Variants in TBX5 observed in about 807,000 individuals in gnomAD.
TBX5 encodes the protein T-box transcription factor TBX5.
TBX5 carries 8 observed loss-of-function variants against 51.1 expected under a neutral mutation model. The ratio of observed to expected loss-of-function variants is 0.16; its 90% CI spans 0.09 to 0.28. The LOEUF is 0.28. Among genes scored for constraint, TBX5 ranks in the 10% least tolerant of loss-of-function variants. The pLI is 1.00. For synonymous variants in TBX5, 302 were observed against 266.4 expected (o/e 1.13, Z -1.30); for missense variants, 589 against 671.7 (o/e 0.88, Z 1.36).
chr12:114,394,943 G>T, intron 5 of TBX5, 50 bp from the exon 6 acceptor site: 1 of 1,590,576 alleles, frequency 6.3e-7, no homozygotes. Context: ...AACTCCCTTT[G>T]TCTCCAGATA....
intron 7 of TBX5, among the ~76,000 whole-genome samples, chr12:114,382,317 C>G (rs1341388347): frequency 6.6e-6 from 1 of 151,810 alleles, no homozygotes; most frequent in Non-Finnish European, 1.5e-5. Flanking sequence ...CTGTCTCAAT[C>G]AATCAATCAA....
intron 1 of TBX5, among the ~76,000 whole-genome samples, chr12:114,405,100 C>T (rs1329072041): frequency 6.6e-6 from 1 of 152,222 alleles, no homozygotes; most frequent in Non-Finnish European, 1.5e-5. Context: ...CCCCCAAAAC[C>T]TCAGCAGCTG....
rs551204308 is a variant in TBX5 at position 114,394,713 on chromosome 12, G to A, written c.663+28C>T. ...GCAAAAGAAAGAGCAGACGGCCCCA[G>A]GCACTGGTTCCTGGGCTTCAGGCTT... On this transcript the variant is annotated intron_variant, in intron 6 of 8. Transcript: ENST00000405440. 1.4e-5 allele frequency: 23 copies of A among 1,613,918 alleles called. No individual in the cohort carries two copies. The African/African-American group carries it at 2.5e-4, about 18-fold the overall frequency.
intron 5 of TBX5, 84 bp from the exon 6 acceptor site, chr12:114,394,977 A>C: frequency 7.0e-7 from 1 of 1,423,184 alleles, no homozygotes; most frequent in Non-Finnish European, 9.8e-7. Context: ...CGCCCTCTAA[A>C]TTCGCCTTGT....
chr12:114,403,305 G>A lies in TBX5; in HGVS notation c.147+447C>T, dbSNP rs563238714. The stretch of plus-strand genomic sequence containing the variant: ...GAGGCAGGAGGAGGCGGGAGGAGGC[G>A]AAGGCTACGGAAGATCAGAAGAGGG... On this transcript the variant is annotated intron_variant, in intron 2 of 8. Coordinates refer to ENST00000405440, the MANE Select transcript of TBX5 (RefSeq NM_181486.4). Among the ~76,000 whole-genome samples, 38 of 152,342 alleles carry A rather than the reference G, an allele frequency of 2.5e-4. No individual in the cohort carries two copies. In the South Asian group the frequency reaches 7.5e-3, roughly 30 times the overall value.
In TBX5 at chr12:114,401,895, A is replaced by G. The variant is rs1322050108; in HGVS notation, c.173T>C (p.Leu58Pro). 6.2e-7 allele frequency: 1 copy of G among 1,614,184 alleles called. No homozygotes were observed. The highest frequency in any genetic ancestry group is 1.7e-5 in the Admixed American group (1 of 60,030). Reference sequence around the variant, plus strand: ...TTTTAGCCACAGTTCTCTTTCATGGAGAAACACTTTGATTCCCTCCATGCC... The same window carrying G: ...TTTTAGCCACAGTTCTCTTTCATGGGGAAACACTTTGATTCCCTCCATGCC... ...QQGMEGIKVF[L>P]HERELWLKFH... is the part of the protein sequence containing the mutation. The change falls in exon 3 of 9, where the codon CTC becomes CCC. Residue 58 changes from leucine to proline, a missense_variant. Transcript: ENST00000405440.
At chr12:114,399,398 A>C in intron 4 of TBX5, 115 bp downstream of exon 4, 1 of 1,474,152 alleles carries the variant, frequency 6.8e-7, no homozygotes, top group Non-Finnish European at 9.4e-7. Flanking sequence ...AGACGCCTTT[A>C]GCACACAGTA....
At chr12:114,391,552 A>G (rs1310239499) in intron 6 of TBX5, among the ~76,000 whole-genome samples, 4 of 152,174 alleles carry the variant, frequency 2.6e-5, no homozygotes, top group Admixed American at 2.6e-4. Flanking sequence ...CAACAACACT[A>G]TGAGGTGAGT....
At chr12:114,406,420 A>C (rs1327318653), upstream of TBX5, among the ~76,000 whole-genome samples, 1 of 152,114 alleles carries the variant, frequency 6.6e-6, no homozygotes, top group Non-Finnish European at 1.5e-5. Context: ...ATCGGGAAGT[A>C]ATCTCAGTGA....
intron 6 of TBX5, among the ~76,000 whole-genome samples, chr12:114,392,112 T>C (rs1202796659): frequency 6.7e-6 from 1 of 148,604 alleles, no homozygotes. Context: ...TATATCCAAA[T>C]GCGTATTTGG....
chr12:114,399,351 T>C (rs551574260), intron 4 of TBX5, among the ~76,000 whole-genome samples, 162 bp downstream of exon 4: 1 of 151,768 alleles, frequency 6.6e-6, no homozygotes, highest in Non-Finnish European at 1.5e-5. Flanking sequence ...TTTCTTTGTC[T>C]GAGAATGGTT....
At position 114,405,980 on chromosome 12, in the gene TBX5, A is replaced by G; in HGVS notation, c.-391T>C. 1 of 985,364 alleles carries G rather than the reference A, an allele frequency of 1.0e-6. No individual in the cohort carries two copies. The highest frequency in any genetic ancestry group is 1.2e-6 in the Non-Finnish European group (1 of 829,970). The allele number at this position is 985,364 out of a possible 1,614,324, so 61.0% of individuals were successfully genotyped here. The stretch of plus-strand genomic sequence containing the variant: ...GGGAGGGAAAGTTGGAAGCCCAGTG[A>G]ATGGTCGAAGTCCTTTCTGAGCGCA... On this transcript the variant is annotated 5_prime_UTR_variant, in exon 1 of 9. Coordinates refer to ENST00000405440, the MANE Select transcript of TBX5 (RefSeq NM_181486.4).
intron 8 of TBX5, among the ~76,000 whole-genome samples, chr12:114,363,729 C>G (rs1256266736): frequency 6.6e-6 from 1 of 152,208 alleles, no homozygotes; most frequent in Non-Finnish European, 1.5e-5. Flanking sequence ...TGTTTGGAAC[C>G]TTTCTGAGCC....
At chr12:114,401,962 G>T in intron 2 of TBX5, 42 bp from the exon 3 acceptor site, 1 of 1,564,146 alleles carries the variant, frequency 6.4e-7, no homozygotes, top group Non-Finnish European at 8.8e-7. Context: ...AGCCCTGGCA[G>T]TAGTGGGCAT....
At chr12:114,365,167 G>C (rs986714236) in intron 8 of TBX5, among the ~76,000 whole-genome samples, 41 of 77,654 alleles carry the variant, frequency 5.3e-4, no homozygotes, top group Admixed American at 3.4e-3. Flanking sequence ...AATCATTTGT[G>C]ATGTGTGTGT....
chr12:114,387,064 C>T (rs1273438797), intron 6 of TBX5, among the ~76,000 whole-genome samples: 1 of 152,094 alleles, frequency 6.6e-6, no homozygotes, highest in African/African-American at 2.4e-5. Context: ...CGAGATCACA[C>T]CACTGTACTC....
rs2136427714 is a variant in TBX5, at chr12:114,405,817, C to G, written c.-228G>C. 1 of 985,578 alleles carries G rather than the reference C, an allele frequency of 1.0e-6. No homozygotes were observed. The highest frequency in any genetic ancestry group is 1.2e-6 in the Non-Finnish European group (1 of 830,062). The allele number at this position is 985,578 out of a possible 1,614,324, so 61.1% of individuals were successfully genotyped here. On this transcript the variant is annotated 5_prime_UTR_variant, in exon 1 of 9. Transcript: ENST00000405440. Reference sequence around the variant, plus strand: ...GAGCCTCCGCGGCGACTGCCCACCTCCAACACACACCTCCTCTGCTGTGCG... The same window carrying G: ...GAGCCTCCGCGGCGACTGCCCACCTGCAACACACACCTCCTCTGCTGTGCG...
intron 1 of TBX5, among the ~76,000 whole-genome samples, chr12:114,405,171 CG>C (rs1222989989): frequency 6.6e-6 from 1 of 152,194 alleles, no homozygotes; most frequent in Non-Finnish European, 1.5e-5. Flanking sequence ...GAAATGGGGC[CG>C]AGGAGAAGGA....
intron 4 of TBX5, 133 bp from the exon 5 acceptor site, chr12:114,398,853 C>A: frequency 8.7e-7 from 1 of 1,149,236 alleles, no homozygotes; most frequent in Non-Finnish European, 1.3e-6. Flanking sequence ...GAGGCTCTCC[C>A]GTCTCCCTTA....
Sources: gnomAD v4.1 joint callset for allele counts (sites outside exome capture counted in the v4.1 genomes callset) on GRCh38, gnomAD v4.1.1 for gene constraint, MANE v1.5 for transcripts, NCBI Gene and HGNC (gene_info 2026-07-23, HGNC 2026-07-21) for gene names.